VWA3B: variants seen among roughly 807,000 people sequenced by gnomAD.
VWA3B encodes von Willebrand factor A domain-containing protein 3B.
VWA3B carries 138 observed loss-of-function variants against 158.3 expected under a neutral mutation model. That is an observed-to-expected ratio of 0.87 (90% CI 0.76 to 1.00). VWA3B has a LOEUF of 1.00. VWA3B is among the 50% of genes least tolerant of loss of function. The pLI, the probability that VWA3B is intolerant of heterozygous loss-of-function variation, is 0.00. For missense variants in VWA3B, 1,555 were observed against 1,565.1 expected (o/e 0.99, Z 0.11); for synonymous variants, 596 against 587.3 (o/e 1.01, Z -0.21).
intron 26 of VWA3B, among the ~76,000 whole-genome samples, chr2:98,307,775 A>T (rs141646256): frequency 6.9e-4 from 105 of 152,360 alleles, no homozygotes; most frequent in East Asian, 5.2e-3. Flanking sequence ...TATTAAAGAC[A>T]TGTACTGTAG....
the VWA3B span, among the ~76,000 whole-genome samples, chr2:98,324,434 A>T: frequency 2.0e-5 from 3 of 152,314 alleles, no homozygotes; most frequent in Middle Eastern, 3.4e-3. Context: ...GAGTGCTGGG[A>T]TTAGAGGTGT....
the VWA3B span, among the ~76,000 whole-genome samples, chr2:98,324,812 CTA>C: frequency 1.3e-5 from 2 of 151,876 alleles, no homozygotes; most frequent in Non-Finnish European, 2.9e-5. Context: ...GCTATAATAA[CTA>C]TGTTCATTAA....
At chr2:98,219,033 T>C (rs1039881175) in intron 14 of VWA3B, among the ~76,000 whole-genome samples, 3 of 152,144 alleles carry the variant, frequency 2.0e-5, no homozygotes, top group Non-Finnish European at 4.4e-5. Context: ...CCAACTAACT[T>C]AACTGCATCC....
intron 22 of VWA3B, among the ~76,000 whole-genome samples, chr2:98,272,005 G>A (rs1245214248): frequency 6.6e-6 from 1 of 152,200 alleles, no homozygotes; most frequent in African/African-American, 2.4e-5. Context: ...ATCATCAACA[G>A]GGAAGAAGGC....
Position 98,188,078 on chromosome 2 carries a change from G to C in VWA3B, c.1415G>C (p.Cys472Ser). 1 of 1,613,988 alleles carries C rather than the reference G, an allele frequency of 6.2e-7. No individual in the cohort carries two copies. Among genetic ancestry groups the C allele is most frequent in the Non-Finnish European group, 8.5e-7 (1 of 1,179,936 alleles). ...LVHVNITKEK[C>S]KWYSERIHTA... ...CACGTCAACATTACCAAAGAGAAGT[G>C]CAAGTGGTACAGTGAGAGAATCCAC... Residue 472 changes from cysteine (C) to serine (S), a missense_variant, in exon 10 of 28, where the codon TGC becomes TCC. By Grantham distance (112) the Cys-to-Ser change is moderately radical. Transcript: ENST00000477737.
chr2:98,151,357 G>A (rs991412127), intron 7 of VWA3B, among the ~76,000 whole-genome samples: 2 of 152,064 alleles, frequency 1.3e-5, no homozygotes, highest in South Asian at 2.1e-4. Context: ...CGCCTGCCTC[G>A]GCCTCCCAAA....
At position 98,155,093 on chromosome 2, in the gene VWA3B, A is replaced by G. The variant is rs186036425; in HGVS notation, c.989-7758A>G. On this transcript the variant is annotated intron_variant, in intron 7 of 27. Coordinates refer to ENST00000477737, the MANE Select transcript of VWA3B (RefSeq NM_144992.5). The stretch of plus-strand genomic sequence containing the variant: ...ACTTACAGATAGTGGAAGCCCAGCA[A>G]GAGCTCTCAGCCTTGATAACCTGGT... 2.0e-5 allele frequency among the ~76,000 whole-genome samples: 3 copies of G among 152,356 alleles called. No individual in the cohort carries two copies. In the East Asian group the frequency reaches 5.8e-4, roughly 29 times the overall value.
Position 98,253,798 on chromosome 2 carries a change from A to G in VWA3B, c.2793-2326A>G, listed in dbSNP as rs1261820404. Among the ~76,000 whole-genome samples, 3 of 152,130 alleles carry G rather than the reference A, an allele frequency of 2.0e-5. No homozygotes were observed. In the East Asian group the frequency reaches 5.8e-4, roughly 29 times the overall value. On this transcript the variant is annotated intron_variant, in intron 20 of 27. Coordinates refer to ENST00000477737, the MANE Select transcript of VWA3B (RefSeq NM_144992.5). ...CTTAGCCAAATTTCTCTCTCCTACAAAAAACAATGAGGGAAACTTTGTTAG... is the reference window on the plus strand; with the variant it reads ...CTTAGCCAAATTTCTCTCTCCTACAGAAAACAATGAGGGAAACTTTGTTAG...
chr2:98,263,260 T>C (rs1465936588), intron 21 of VWA3B, among the ~76,000 whole-genome samples: 1 of 151,968 alleles, frequency 6.6e-6, no homozygotes, highest in Non-Finnish European at 1.5e-5. Context: ...CCTTTCTTTT[T>C]CTTGCCTAAT....
At chr2:98,176,621 T>C (rs1680039138) in intron 8 of VWA3B, among the ~76,000 whole-genome samples, 1 of 152,136 alleles carries the variant, frequency 6.6e-6, no homozygotes, top group South Asian at 2.1e-4. Flanking sequence ...CATTGTCTCA[T>C]GGCACCCATG....
At position 98,312,226 on chromosome 2, in the gene VWA3B, C is replaced by T. The variant is rs1202146524; in HGVS notation, c.3762C>T (p.Ala1254=). The change falls in exon 28 of 28, where the codon GCC becomes GCT. Residue 1254 remains alanine, a synonymous_variant. Coordinates refer to ENST00000477737, the MANE Select transcript of VWA3B (RefSeq NM_144992.5). The part of the protein sequence containing the change: ...PRTAHLHFPA[A]GRLGLSSHAI... ...CAGCCCACCTCCACTTCCCCGCGGCCGGGCGTCTAGGACTCAGCAGCCACG... is the reference window on the plus strand; with the variant it reads ...CAGCCCACCTCCACTTCCCCGCGGCTGGGCGTCTAGGACTCAGCAGCCACG... 4 of 1,614,174 alleles carry T rather than the reference C, an allele frequency of 2.5e-6. No homozygotes were observed. The highest frequency in any genetic ancestry group is 1.6e-4 in the Middle Eastern group (1 of 6,062).
chr2:98,278,117 C>T (rs1039513675), intron 22 of VWA3B, among the ~76,000 whole-genome samples: 1 of 152,194 alleles, frequency 6.6e-6, no homozygotes, highest in Non-Finnish European at 1.5e-5. Flanking sequence ...GAACTGTTCT[C>T]CAGTGGAACA....
At chr2:98,319,162 A>G in the VWA3B span, among the ~76,000 whole-genome samples, 145 of 152,348 alleles carry the variant, frequency 9.5e-4, no homozygotes, top group African/African-American at 3.2e-3. Flanking sequence ...TTGGAAAACA[A>G]TAAAATTAGA....
intron 21 of VWA3B, among the ~76,000 whole-genome samples, chr2:98,261,694 A>T (rs1304259323): frequency 6.6e-6 from 1 of 151,406 alleles, no homozygotes; most frequent in Non-Finnish European, 1.5e-5. Flanking sequence ...TGACTGACAT[A>T]TTTTTTTTCA....
In VWA3B at chr2:98,192,888, TC is replaced by T. The variant is rs764246371; in HGVS notation, c.1467-8del. The T allele has an allele frequency of 1.9e-6, 3 of 1,614,174 alleles. No homozygotes were observed. The highest frequency in any genetic ancestry group is 2.5e-6 in the Non-Finnish European group (3 of 1,180,020). ...TCTCACCATTCACTTTCAACCTACT[TC>T]CTGCCTAGGATTAAATGGCTACAGG... On this transcript the variant is annotated splice_polypyrimidine_tract_variant and intron_variant, in intron 10 of 27. Transcript: ENST00000477737.
chr2:98,208,205 C>T (rs926355122), intron 12 of VWA3B, among the ~76,000 whole-genome samples: 3 of 151,810 alleles, frequency 2.0e-5, no homozygotes, highest in African/African-American at 4.8e-5. Flanking sequence ...TAAATATTTG[C>T]GTAATACGTT....
At chr2:98,255,485 G>C (rs781143946) in intron 20 of VWA3B, among the ~76,000 whole-genome samples, 1 of 151,964 alleles carries the variant, frequency 6.6e-6, no homozygotes, top group Non-Finnish European at 1.5e-5. Flanking sequence ...CTGATTAGTA[G>C]CCAAAAGAGC....
chr2:98,247,245 G>T (rs187142456), intron 19 of VWA3B, among the ~76,000 whole-genome samples: 53 of 152,092 alleles, frequency 3.5e-4, no homozygotes, highest in South Asian at 2.1e-3. Context: ...TGATCCACCC[G>T]CCTCAGCCTC....
intron 7 of VWA3B, among the ~76,000 whole-genome samples, chr2:98,135,561 T>A (rs1676221332): frequency 6.6e-6 from 1 of 151,686 alleles, no homozygotes; most frequent in African/African-American, 2.4e-5. Flanking sequence ...GGTCTCGATC[T>A]CCTGACCTCG....
Sources: allele counts gnomAD v4.1 joint callset (sites outside exome capture counted in the v4.1 genomes callset), GRCh38; gene constraint gnomAD v4.1.1; transcripts MANE v1.5; gene names NCBI Gene and HGNC (gene_info 2026-07-23, HGNC 2026-07-21).